The following MYOZ2 variants were observed in gnomAD, a reference collection of about 807,000 sequenced individuals.
MYOZ2 encodes the protein myozenin 2.
MYOZ2 carries 19 observed loss-of-function variants against 25.4 expected under a neutral mutation model. The ratio of observed to expected loss-of-function variants is 0.75; its 90% CI spans 0.52 to 1.10. MYOZ2 has a LOEUF of 1.10. MYOZ2 is among the 50% of genes least tolerant of loss of function. The probability of loss-of-function intolerance (pLI) is 0.00; values close to 1 mark genes in which losing one functional copy is unlikely to be tolerated. For synonymous variants in MYOZ2, 92 were observed against 106.9 expected, an observed-to-expected ratio of 0.86 and a Z score of 0.86; for missense variants, 270 against 317.9, an observed-to-expected ratio of 0.85 and a Z score of 1.15.
intron 2 of MYOZ2, among the ~76,000 whole-genome samples, chr4:119,142,713 G>A (rs1327830617): frequency 6.6e-6 from 1 of 152,198 alleles, no homozygotes; most frequent in East Asian, 1.9e-4. Context: ...GCATTAGGAA[G>A]AAGTATAAAA....
intron 4 of MYOZ2, among the ~76,000 whole-genome samples, chr4:119,161,087 C>T (rs1373410624): frequency 6.6e-6 from 1 of 152,072 alleles, no homozygotes; most frequent in African/African-American, 2.4e-5. Context: ...CTCTGTCCTA[C>T]TTTTCACGCC....
chr4:119,155,352 A>G (rs77320195), intron 3 of MYOZ2, among the ~76,000 whole-genome samples: 3 of 152,330 alleles, frequency 2.0e-5, no homozygotes, highest in East Asian at 3.9e-4. Flanking sequence ...TCCAAATGAC[A>G]TAAATGCAAT....
chr4:119,147,636 C>T (rs201727770), intron 2 of MYOZ2, among the ~76,000 whole-genome samples: 142 of 151,056 alleles, frequency 9.4e-4, no homozygotes, highest in African/African-American at 3.2e-3. Context: ...CCCAGCTACT[C>T]GGGAGGCTGA....
chr4:119,182,559 G>A (rs992001863), intron 5 of MYOZ2, among the ~76,000 whole-genome samples: 1 of 152,058 alleles, frequency 6.6e-6, no homozygotes, highest in Non-Finnish European at 1.5e-5. Context: ...TGGCAGGGTG[G>A]GGGGAGATGG....
intron 5 of MYOZ2, among the ~76,000 whole-genome samples, chr4:119,164,778 G>A (rs1001467225): frequency 6.6e-6 from 1 of 152,058 alleles, no homozygotes; most frequent in African/African-American, 2.4e-5. Context: ...GCAAGGCTAT[G>A]AGAATTACTG....
chr4:119,150,686 C>G (rs774677270), intron 2 of MYOZ2, among the ~76,000 whole-genome samples, 186 bp from the exon 3 acceptor site: 1 of 151,960 alleles, frequency 6.6e-6, no homozygotes, highest in Non-Finnish European at 1.5e-5. Context: ...CATATTAATG[C>G]TTTGCAATAG....
At position 119,186,216 on chromosome 4, in the gene MYOZ2, T is replaced by G; in HGVS notation, c.*16T>G. The G allele has an allele frequency of 6.3e-7, 1 of 1,590,670 alleles. No individual in the cohort carries two copies. On this transcript the variant is annotated 3_prime_UTR_variant, in exon 6 of 6. Coordinates refer to ENST00000307128, the MANE Select transcript of MYOZ2 (RefSeq NM_016599.5). ...AGACCTATGAAAAGAAAGTTGTATG[T>G]GCCACATAAAACTCTGAATATAAAA...
intron 2 of MYOZ2, among the ~76,000 whole-genome samples, chr4:119,141,912 C>T (rs962380830): frequency 6.6e-6 from 1 of 152,170 alleles, no homozygotes; most frequent in East Asian, 1.9e-4. Flanking sequence ...AGTGATCATG[C>T]ATTAGATTCC....
At chr4:119,176,818 C>T (rs555586493) in intron 5 of MYOZ2, among the ~76,000 whole-genome samples, 2 of 152,280 alleles carry the variant, frequency 1.3e-5, no homozygotes, top group South Asian at 4.1e-4. Context: ...ATGTATCAGG[C>T]ACGGTTTTAA....
At chr4:119,179,851 G>C (rs916607911) in intron 5 of MYOZ2, among the ~76,000 whole-genome samples, 1 of 152,214 alleles carries the variant, frequency 6.6e-6, no homozygotes, top group Non-Finnish European at 1.5e-5. Flanking sequence ...AAAGGCTTAA[G>C]CTAGTTCCTT....
At chr4:119,162,275 A>G (rs560566446) in intron 4 of MYOZ2, among the ~76,000 whole-genome samples, 3 of 152,266 alleles carry the variant, frequency 2.0e-5, no homozygotes, top group African/African-American at 7.2e-5. Flanking sequence ...GTGTGAAAGG[A>G]GAAAGCAGGC....
In MYOZ2 at chr4:119,186,951, T is replaced by C. The variant is rs1358685730; in HGVS notation, c.*751T>C. The C allele has an allele frequency of 1.3e-5, 2 of 152,244 alleles. No homozygotes were observed. The highest frequency in any genetic ancestry group is 2.9e-5 in the Non-Finnish European group (2 of 68,042). 9.4% of individuals were successfully genotyped at this position (152,244 alleles called of 1,614,324 possible). ...GCTGTGCATTGATTATGTTCAACTT[T>C]ATGTGTGCATTCTTAGAAGAGTAAG... is the stretch of plus-strand genomic sequence containing the variant. On this transcript the variant is annotated 3_prime_UTR_variant, in exon 6 of 6. Coordinates refer to ENST00000307128, the MANE Select transcript of MYOZ2 (RefSeq NM_016599.5).
At position 119,167,195 on chromosome 4, in the gene MYOZ2, G is replaced by A. The variant is rs1007315252; in HGVS notation, c.560+2801G>A. ...GAAAAATTCAGGAAGAAAATGATAAGTGCTACTCCAGTGAACACATGAATG... is the reference window on the plus strand; with the variant it reads ...GAAAAATTCAGGAAGAAAATGATAAATGCTACTCCAGTGAACACATGAATG... On this transcript the variant is annotated intron_variant, in intron 5 of 5. Transcript: ENST00000307128. 2.6e-5 allele frequency among the ~76,000 whole-genome samples: 4 copies of A among 152,288 alleles called. No homozygotes were observed. The East Asian group carries it at 5.8e-4, about 22-fold the overall frequency.
chr4:119,152,179 TACTC>T (rs919921009), intron 3 of MYOZ2, among the ~76,000 whole-genome samples: 7 of 114,228 alleles, frequency 6.1e-5, no homozygotes, highest in Admixed American at 5.9e-4. Context: ...CATCAAATCT[TACTC>T]AACTATAGTA....
intron 2 of MYOZ2, among the ~76,000 whole-genome samples, chr4:119,147,510 G>A (rs1010136373): frequency 6.6e-6 from 1 of 152,046 alleles, no homozygotes; most frequent in South Asian, 2.1e-4. Flanking sequence ...GGAGACCGAG[G>A]TGGGCGGATC....
At chr4:119,140,362 G>A (rs184334044) in intron 2 of MYOZ2, among the ~76,000 whole-genome samples, 2 of 152,168 alleles carry the variant, frequency 1.3e-5, no homozygotes, top group African/African-American at 4.8e-5. Flanking sequence ...TGCCAAAAAG[G>A]CCTTTCATAC....
At chr4:119,164,544 C>T in intron 5 of MYOZ2, 150 bp downstream of exon 5, 1 of 706,198 alleles carries the variant, frequency 1.4e-6, no homozygotes, top group Non-Finnish European at 2.3e-6. Context: ...TAAGCCTAGG[C>T]AAAGACTCAT....
intron 2 of MYOZ2, among the ~76,000 whole-genome samples, chr4:119,139,264 C>T (rs952405076): frequency 7.2e-5 from 11 of 152,280 alleles, no homozygotes; most frequent in Admixed American, 5.9e-4. Flanking sequence ...TGGCCGGAAG[C>T]AGAGCTAATG....
At chr4:119,149,772 A>G (rs1401565867) in intron 2 of MYOZ2, among the ~76,000 whole-genome samples, 1 of 152,158 alleles carries the variant, frequency 6.6e-6, no homozygotes, top group Non-Finnish European at 1.5e-5. Flanking sequence ...AGAAGCAAAA[A>G]TCTTGATATT....
Sources: gnomAD v4.1 joint callset for allele counts (sites outside exome capture counted in the v4.1 genomes callset) on GRCh38, gnomAD v4.1.1 for gene constraint, MANE v1.5 for transcripts, NCBI Gene and HGNC (gene_info 2026-07-23, HGNC 2026-07-21) for gene names.